Variants in ABCA1 observed in about 807,000 individuals in gnomAD.
ABCA1 encodes the protein ATP binding cassette subfamily A member 1, also known as phospholipid-transporting ATPase ABCA1.
Under a neutral mutation model 262.5 loss-of-function variants are expected in ABCA1, and 133 were observed. The observed-to-expected ratio is 0.51, with a 90% CI of 0.44 to 0.59. The LOEUF is 0.59. Ranked by LOEUF, ABCA1 falls within the 20% of genes least tolerant of loss-of-function variation. ABCA1 has a pLI of 0.00. For missense variants in ABCA1, 2,452 were observed against 2,777.5 expected, an observed-to-expected ratio of 0.88 and a Z score of 2.63; for synonymous variants, 1,022 against 1,043.5, an observed-to-expected ratio of 0.98 and a Z score of 0.40.
At position 104,894,453 on chromosome 9, in the gene ABCA1, A is replaced by G. The variant is rs557685921; in HGVS notation, c.67-5258T>C. On this transcript the variant is annotated intron_variant, in intron 2 of 49. Coordinates refer to ENST00000374736, the MANE Select transcript of ABCA1 (RefSeq NM_005502.4). ...GAGGTTAAAAAAAATTGATGATGAT[A>G]ATAATAATGAAAGGTCTTACTATGT... Among the ~76,000 whole-genome samples, 28 of 152,350 alleles carry G rather than the reference A, an allele frequency of 1.8e-4. No homozygotes were observed. The South Asian group carries it at 2.1e-3, about 11-fold the overall frequency.
intron 1 of ABCA1, among the ~76,000 whole-genome samples, chr9:104,915,622 T>C (rs1448799573): frequency 6.6e-6 from 1 of 152,114 alleles, no homozygotes; most frequent in African/African-American, 2.4e-5. Flanking sequence ...TTCTGAGTGT[T>C]CCTTATAGAA....
intron 1 of ABCA1, among the ~76,000 whole-genome samples, chr9:104,906,511 T>C (rs1841149919): frequency 6.6e-6 from 1 of 152,132 alleles, no homozygotes; most frequent in African/African-American, 2.4e-5. Flanking sequence ...AGTTCTACCG[T>C]GGCTTTGCTG....
At chr9:104,878,568 TC>T (rs1163458288) in intron 5 of ABCA1, among the ~76,000 whole-genome samples, 5 of 152,140 alleles carry the variant, frequency 3.3e-5, no homozygotes, top group African/African-American at 9.6e-5. Context: ...GACAGTCACT[TC>T]CCCCTTCTGG....
At chr9:104,875,351 C>CAAAAA (rs749025515) in intron 5 of ABCA1, among the ~76,000 whole-genome samples, 7 of 63,958 alleles carry the variant, frequency 1.1e-4, no homozygotes, top group African/African-American at 3.5e-4. Context: ...GACTCCATCT[C>CAAAAA]AAAAAAAAAA....
At chr9:104,886,699 C>A (rs941627490) in intron 3 of ABCA1, among the ~76,000 whole-genome samples, 1 of 152,180 alleles carries the variant, frequency 6.6e-6, no homozygotes, top group Non-Finnish European at 1.5e-5. Context: ...AAGGCCCTTC[C>A]TTGTACGTTG....
intron 42 of ABCA1, 57 bp downstream of exon 42, chr9:104,792,729 C>T: frequency 6.2e-7 from 1 of 1,612,700 alleles, no homozygotes; most frequent in Non-Finnish European, 8.5e-7. Context: ...TGCTGGGTTA[C>T]AGCACATAAA....
chr9:104,901,514 C>A (rs1840667807), intron 2 of ABCA1, among the ~76,000 whole-genome samples: 1 of 152,096 alleles, frequency 6.6e-6, no homozygotes, highest in Non-Finnish European at 1.5e-5. Context: ...GCCCCCTCTA[C>A]CAGGATAAGA....
At chr9:104,802,542 C>A (rs1000679449) in intron 33 of ABCA1, among the ~76,000 whole-genome samples, 1 of 152,156 alleles carries the variant, frequency 6.6e-6, no homozygotes, top group Non-Finnish European at 1.5e-5. Context: ...GCTGCGCTGG[C>A]CTTATACACA....
Position 104,903,703 on chromosome 9 carries a change from CGT to C in ABCA1, c.-26_-25del. The C allele has an allele frequency of 6.4e-7, 1 of 1,566,458 alleles. No individual in the cohort carries two copies. The highest frequency in any genetic ancestry group is 8.7e-7 in the Non-Finnish European group (1 of 1,155,114). On this transcript the variant is annotated 5_prime_UTR_variant, in exon 2 of 50. The change creates a premature stop within an existing upstream ORF in the 5' untranslated region. Transcript: ENST00000374736. Reference sequence around the variant, plus strand: ...ATGTTCCCTCAGCCAGCACCCCCAGCGTGTGGCTCGGGAGCCCTGGAAGGCAG... The same window carrying C: ...ATGTTCCCTCAGCCAGCACCCCCAGCGTGGCTCGGGAGCCCTGGAAGGCAG...
chr9:104,889,220 C>T, intron 2 of ABCA1, 25 bp from the exon 3 acceptor site: 1 of 1,610,466 alleles, frequency 6.2e-7, no homozygotes, highest in South Asian at 1.1e-5. Context: ...AGATAGAACA[C>T]TGTAAATTTA....
Position 104,870,968 on chromosome 9 carries a change from C to G in ABCA1, c.422-9168G>C, listed in dbSNP as rs4742926. ...GCAGGAACAAATCACAATGGTGGAA[C>G]GTCATCAGTTAAGGCGAGGCAGGGC... On this transcript the variant is annotated intron_variant, in intron 5 of 49. Transcript: ENST00000374736. Among the ~76,000 whole-genome samples the G allele has an allele frequency of 1.2e-3, 176 of 151,842 alleles. 1 individual carries two copies. The highest frequency in any genetic ancestry group is 1.1e-3 in the Non-Finnish European group (76 of 67,944).
At chr9:104,919,500 T>G (rs1257111009) in intron 1 of ABCA1, among the ~76,000 whole-genome samples, 4 of 152,074 alleles carry the variant, frequency 2.6e-5, no homozygotes, top group African/African-American at 9.7e-5. Context: ...TAGTCCCAGC[T>G]ACTCAGGAGG....
intron 27 of ABCA1, 76 bp downstream of exon 27, chr9:104,814,042 A>G (rs753576621): frequency 2.6e-4 from 381 of 1,493,870 alleles, no homozygotes; most frequent in Non-Finnish European, 2.7e-4. Context: ...AGGCCATCCA[A>G]AGAAAACAGG....
chr9:104,830,082 T>C (rs539682415), intron 14 of ABCA1, among the ~76,000 whole-genome samples: 2 of 152,180 alleles, frequency 1.3e-5, no homozygotes, highest in African/African-American at 2.4e-5. Flanking sequence ...CCTCCGCCCA[T>C]TGTCTTAGAA....
At chr9:104,800,944 C>A (rs985778895) in intron 34 of ABCA1, among the ~76,000 whole-genome samples, 3 of 152,046 alleles carry the variant, frequency 2.0e-5, no homozygotes, top group Non-Finnish European at 2.9e-5. Flanking sequence ...GTGCCAGATA[C>A]ATGGGCCCAT....
intron 32 of ABCA1, 121 bp downstream of exon 32, chr9:104,804,505 C>G: frequency 1.2e-6 from 1 of 841,460 alleles, no homozygotes; most frequent in East Asian, 2.5e-5. Context: ...CCTAAACTTC[C>G]AATAGACAGA....
At chr9:104,827,194 T>C (rs760036280) in intron 15 of ABCA1, 25 bp from the exon 16 acceptor site, 1 of 1,589,100 alleles carries the variant, frequency 6.3e-7, no homozygotes, top group East Asian at 2.2e-5. Flanking sequence ...ACACATCAAA[T>C]GTGCTGCCTC....
At chr9:104,908,950 C>T (rs1481329009) in intron 1 of ABCA1, among the ~76,000 whole-genome samples, 1 of 152,146 alleles carries the variant, frequency 6.6e-6, no homozygotes, top group Non-Finnish European at 1.5e-5. Flanking sequence ...TTTGTCAAAA[C>T]TCATCATACT....
Position 104,781,508 on chromosome 9 carries a change from C to A in ABCA1, c.*2807G>T, listed in dbSNP as rs1037039151. The A allele has an allele frequency of 6.6e-6, 1 of 152,428 alleles. No homozygotes were observed. The highest frequency in any genetic ancestry group is 1.5e-5 in the Non-Finnish European group (1 of 67,976). 9.4% of individuals were successfully genotyped at this position (152,428 alleles called of 1,614,324 possible). ...AAAATATTTTACCTGATATATACAA[C>A]CACAAGAAGAAAACACAGACAAATG... On this transcript the variant is annotated 3_prime_UTR_variant, in exon 50 of 50. Coordinates refer to ENST00000374736, the MANE Select transcript of ABCA1 (RefSeq NM_005502.4).
Sources: allele counts gnomAD v4.1 joint callset (sites outside exome capture counted in the v4.1 genomes callset), GRCh38; gene constraint gnomAD v4.1.1; transcripts MANE v1.5; gene names NCBI Gene and HGNC (gene_info 2026-07-23, HGNC 2026-07-21).